CTNNA2: variants seen among roughly 807,000 people sequenced by gnomAD.
The protein encoded by CTNNA2 is catenin alpha 2, also known as catenin alpha-2.
Under a neutral mutation model 101.0 loss-of-function variants are expected in CTNNA2, and 42 were observed. The observed-to-expected ratio is 0.42, with a 90% CI of 0.32 to 0.54. The LOEUF (loss-of-function observed/expected upper bound fraction) is 0.54, where lower values mean the gene tolerates loss of function less well. Ranked by LOEUF, CTNNA2 falls within the 20% of genes least tolerant of loss-of-function variation. CTNNA2 has a pLI of 0.14. For synonymous variants in CTNNA2, 450 were observed against 456.4 expected (o/e 0.99, Z 0.18); for missense variants, 871 against 1,223.1 (o/e 0.71, Z 4.29).
intron 7 of CTNNA2, among the ~76,000 whole-genome samples, chr2:80,334,944 T>C (rs77638292): frequency 0.076 from 11,531 of 152,276 alleles, 440 homozygotes; most frequent in Non-Finnish European, 0.089. Flanking sequence ...CCACTGTAAC[T>C]GCAGAACATA....
intron 3 of CTNNA2, among the ~76,000 whole-genome samples, chr2:79,847,612 G>GT (rs1253570674): frequency 2.1e-5 from 3 of 143,912 alleles, no homozygotes; most frequent in African/African-American, 7.7e-5. Context: ...AAGACAAAGC[G>GT]TTTTTTGTCC....
chr2:80,138,054 A>G (rs1174701998), intron 7 of CTNNA2, among the ~76,000 whole-genome samples: 1 of 152,140 alleles, frequency 6.6e-6, no homozygotes, highest in Non-Finnish European at 1.5e-5. Flanking sequence ...AGAAAAATTG[A>G]TATGGAATTC....
At chr2:79,749,109 C>T (rs1423603520) in intron 3 of CTNNA2, among the ~76,000 whole-genome samples, 1 of 152,100 alleles carries the variant, frequency 6.6e-6, no homozygotes, top group East Asian at 1.9e-4. Flanking sequence ...ACCTGGCAAC[C>T]TTCATTCAAC....
At chr2:79,357,136 G>T (rs1558643543) in intron 3 of CTNNA2, among the ~76,000 whole-genome samples, 1 of 152,108 alleles carries the variant, frequency 6.6e-6, no homozygotes, top group South Asian at 2.1e-4. Context: ...AGACCAGTCT[G>T]GGCAACATAG....
In CTNNA2 at chr2:80,167,439, G is replaced by C. The variant is rs140517014; in HGVS notation, c.1057-225772G>C. Among the ~76,000 whole-genome samples, 61 of 152,294 alleles carry C rather than the reference G, an allele frequency of 4.0e-4. No individual in the cohort carries two copies. In the East Asian group the frequency reaches 0.011, roughly 28 times the overall value. On this transcript the variant is annotated intron_variant, in intron 7 of 18. Coordinates refer to ENST00000402739, the MANE Select transcript of CTNNA2 (RefSeq NM_001282597.3). ...GTATGTCTATTCTCAGGGCAATGCA[G>C]TAATGATATTTATGTTGGCTAACAG... is the stretch of plus-strand genomic sequence containing the variant.
intron 1 of CTNNA2, among the ~76,000 whole-genome samples, chr2:79,637,448 A>C (rs1174497477): frequency 3.3e-5 from 5 of 152,192 alleles, no homozygotes; most frequent in Non-Finnish European, 7.3e-5. Context: ...GATTCTGGTC[A>C]CCTTAGAATG....
At chr2:80,279,633 A>G (rs1476963113) in intron 7 of CTNNA2, among the ~76,000 whole-genome samples, 1 of 152,144 alleles carries the variant, frequency 6.6e-6, no homozygotes, top group Admixed American at 6.6e-5. Context: ...AATGGGCAGA[A>G]TGAAATACTG....
intron 7 of CTNNA2, among the ~76,000 whole-genome samples, chr2:80,158,910 CAA>C (rs57487842): frequency 0.028 from 2,516 of 89,010 alleles, 75 homozygotes; most frequent in African/African-American, 0.078. Flanking sequence ...GACTCCGTCT[CAA>C]AAAAAAAAAA....
chr2:80,394,787 A>C (rs1677846491), intron 8 of CTNNA2, among the ~76,000 whole-genome samples: 2 of 152,068 alleles, frequency 1.3e-5, no homozygotes, highest in South Asian at 4.1e-4. Flanking sequence ...AAGCTGTATA[A>C]GATTGTGTGA....
intron 7 of CTNNA2, among the ~76,000 whole-genome samples, chr2:79,924,951 C>G (rs1686927222): frequency 6.6e-6 from 1 of 152,012 alleles, no homozygotes; most frequent in Admixed American, 6.6e-5. Flanking sequence ...TCTTTAGAAA[C>G]TTTGTTTCAG....
At chr2:79,845,777 T>C (rs1041585455) in intron 3 of CTNNA2, among the ~76,000 whole-genome samples, 6 of 152,198 alleles carry the variant, frequency 3.9e-5, no homozygotes, top group Non-Finnish European at 7.3e-5. Context: ...CATTACCCAT[T>C]GTCAGATCTT....
chr2:79,982,214 A>ATATATCTATATATATC, intron 7 of CTNNA2, among the ~76,000 whole-genome samples: 1 of 36,978 alleles, frequency 2.7e-5, no homozygotes, highest in East Asian at 8.2e-4. Context: ...ATATATATAT[A>ATATATCTATATATATC]TATATATATA....
chr2:79,551,853 A>T (rs187302355), intron 1 of CTNNA2, among the ~76,000 whole-genome samples: 1 of 152,202 alleles, frequency 6.6e-6, no homozygotes, highest in African/African-American at 2.4e-5. Context: ...CTATCATGAG[A>T]ACAGCAAGGG....
At chr2:80,010,711 A>G (rs960562718) in intron 7 of CTNNA2, among the ~76,000 whole-genome samples, 1 of 104,034 alleles carries the variant, frequency 9.6e-6, no homozygotes, top group Non-Finnish European at 2.4e-5. Context: ...GGTTTTTGCC[A>G]TTCACTTTTT....
At chr2:79,462,181 T>C (rs6754110) in intron 4 of CTNNA2, among the ~76,000 whole-genome samples, 12,416 of 152,226 alleles carry the variant, frequency 0.082, 992 homozygotes, top group East Asian at 0.25. Context: ...ATAAGACTTA[T>C]GATTGATGAA....
chr2:79,603,185 G>T (rs996899829), intron 1 of CTNNA2, among the ~76,000 whole-genome samples: 15 of 152,062 alleles, frequency 9.9e-5, no homozygotes, highest in African/African-American at 3.4e-4. Flanking sequence ...AATGATGCTA[G>T]AACTTTTTAC....
chr2:79,903,535 T>A (rs1685214124), intron 6 of CTNNA2, among the ~76,000 whole-genome samples: 1 of 152,132 alleles, frequency 6.6e-6, no homozygotes, highest in African/African-American at 2.4e-5. Flanking sequence ...TCTCTCCAAC[T>A]GCATCTCCCA....
intron 1 of CTNNA2, among the ~76,000 whole-genome samples, chr2:79,560,356 G>A (rs1674700892): frequency 6.6e-6 from 1 of 151,878 alleles, no homozygotes; most frequent in African/African-American, 2.4e-5. Context: ...TAGGTTGGTG[G>A]TGGTCATGGA....
intron 7 of CTNNA2, among the ~76,000 whole-genome samples, chr2:80,164,115 C>G (rs565045527): frequency 6.6e-6 from 1 of 151,694 alleles, no homozygotes; most frequent in East Asian, 1.9e-4. Flanking sequence ...CTAATATATA[C>G]GTTTTAATTG....
Sources: allele counts gnomAD v4.1 joint callset (sites outside exome capture counted in the v4.1 genomes callset), GRCh38; gene constraint gnomAD v4.1.1; transcripts MANE v1.5; gene names NCBI Gene and HGNC (gene_info 2026-07-23, HGNC 2026-07-21).